Variants in PLPP6 observed in about 807,000 individuals in gnomAD.
PLPP6 encodes polyisoprenoid diphosphate/phosphate phosphohydrolase PLPP6.
Under a neutral mutation model 16.5 loss-of-function variants are expected in PLPP6, and 16 were observed. That is an observed-to-expected ratio of 0.97 (90% CI 0.66 to 1.47). PLPP6 has a LOEUF of 1.47. Ranked by LOEUF, PLPP6 falls within the 40% of genes most tolerant of loss-of-function variation. The probability of loss-of-function intolerance (pLI) is 0.00; values close to 1 mark genes in which losing one functional copy is unlikely to be tolerated. For synonymous variants in PLPP6, 226 were observed against 188.1 expected (o/e 1.20, Z -1.65); for missense variants, 512 against 396.6 (o/e 1.29, Z -2.47).
In PLPP6 at chr9:4,663,359, G is replaced by A; in HGVS notation, c.*96G>A. 7.8e-7 allele frequency: 1 copy of A among 1,289,188 alleles called. No individual in the cohort carries two copies. Among genetic ancestry groups the A allele is most frequent in the Non-Finnish European group, 1.1e-6 (1 of 918,724 alleles). The allele number at this position is 1,289,188 out of a possible 1,614,324, so 79.9% of individuals were successfully genotyped here. A position where few individuals can be genotyped will look rare whatever the true frequency, so the allele number is the denominator to read the frequency against. Reference sequence around the variant, plus strand: ...CAGCCATCCCGCTTGTCCCTCTTAGGCATTTCAGGCTTCCTTTGGGATTTC... The same window carrying A: ...CAGCCATCCCGCTTGTCCCTCTTAGACATTTCAGGCTTCCTTTGGGATTTC... On this transcript the variant is annotated 3_prime_UTR_variant, in exon 1 of 1. Coordinates refer to ENST00000381883, the MANE Select transcript of PLPP6 (RefSeq NM_203453.5).
In PLPP6 at chr9:4,662,712, C is replaced by G; in HGVS notation, c.337C>G (p.Leu113Val). 1 of 1,602,122 alleles carries G rather than the reference C, an allele frequency of 6.2e-7. No homozygotes were observed. Among genetic ancestry groups the G allele is most frequent in the Non-Finnish European group, 8.5e-7 (1 of 1,179,914 alleles). ...LRSLLAIDLWLSKKLGVCAGE... is the reference protein window; with the variant it reads ...LRSLLAIDLWVSKKLGVCAGE... The stretch of plus-strand genomic sequence containing the variant: ...CTCCCTGCTGGCCATCGACCTGTGG[C>G]TGTCCAAGAAGCTGGGGGTGTGCGC... The change falls in exon 1 of 1, where the codon CTG becomes GTG. Residue 113 changes from leucine to valine, a missense_variant. Coordinates refer to ENST00000381883, the MANE Select transcript of PLPP6 (RefSeq NM_203453.5). This position sits in a 1 kb window ranked among gnomAD's most constrained non-coding sequence, Gnocchi z 4.9.
At position 4,662,314 on chromosome 9, in the gene PLPP6, T is replaced by G; in HGVS notation, c.-62T>G. The stretch of plus-strand genomic sequence containing the variant: ...ATGGTAGTGCGGAAGCGGAAGAGGC[T>G]GCAGGGCCGGGAAGCCTCTGTTTGG... On this transcript the variant is annotated 5_prime_UTR_variant, in exon 1 of 1. Coordinates refer to ENST00000381883, the MANE Select transcript of PLPP6 (RefSeq NM_203453.5). This position sits in a 1 kb window ranked among gnomAD's most constrained non-coding sequence, Gnocchi z 4.9. The G allele has an allele frequency of 1.4e-6, 2 of 1,441,790 alleles. No homozygotes were observed. The highest frequency in any genetic ancestry group is 2.9e-5 in the African/African-American group (2 of 69,852). 89.3% of individuals were successfully genotyped at this position (1,441,790 alleles called of 1,614,324 possible).
chr9:4,663,210 T>A lies in PLPP6; in HGVS notation c.835T>A (p.Trp279Arg), dbSNP rs1237886851. 1 of 1,614,046 alleles carries A rather than the reference T, an allele frequency of 6.2e-7. No individual in the cohort carries two copies. The highest frequency in any genetic ancestry group is 1.3e-5 in the African/African-American group (1 of 74,922). The change falls in exon 1 of 1, where the codon TGG (tryptophan) becomes AGG (arginine). Residue 279 changes from tryptophan (W) to arginine (R), a missense_variant. Coordinates refer to ENST00000381883, the MANE Select transcript of PLPP6 (RefSeq NM_203453.5). Reference sequence around the variant, plus strand: ...GCAGTACAGCATCGTGGACTATTGCTGGCTCTCACCCCATAATGCTCCGGT... The same window carrying A: ...GCAGTACAGCATCGTGGACTATTGCAGGCTCTCACCCCATAATGCTCCGGT... ...YMQYSIVDYC[W>R]LSPHNAPVLF...
rs751297429 is a variant in PLPP6, at chr9:4,662,375, G to A, written c.-1G>A. The A allele has an allele frequency of 6.6e-7, 1 of 1,510,596 alleles. No homozygotes were observed. The highest frequency in any genetic ancestry group is 2.2e-5 in the Admixed American group (1 of 46,100). The allele number at this position is 1,510,596 out of a possible 1,614,324, so 93.6% of individuals were successfully genotyped here. ...TCCCGGGATCCGGGCCGCCAGCTGC[G>A]ATGCCAAGTCCCCGGAGGAGCATGG... On this transcript the variant is annotated 5_prime_UTR_variant, in exon 1 of 1. Coordinates refer to ENST00000381883, the MANE Select transcript of PLPP6 (RefSeq NM_203453.5). The surrounding 1 kb of genome is among the most constrained non-coding windows in gnomAD (Gnocchi z 4.9).
Position 4,663,316 on chromosome 9 carries a change from G to T in PLPP6, c.*53G>T. 6.4e-7 allele frequency: 1 copy of T among 1,555,260 alleles called. No individual in the cohort carries two copies. On this transcript the variant is annotated 3_prime_UTR_variant, in exon 1 of 1. Transcript: ENST00000381883. ...AAGTCTGAAGGTTTCCACATTCGAT[G>T]ATGTCAACCTAAACCAGCAGCCATC...
Position 4,665,162 on chromosome 9 carries a change from T to C in PLPP6, c.*1899T>C, listed in dbSNP as rs1200915251. ...CATTTCACCTGATGTTTTTGAAGCA[T>C]CCTAAGTACAGTAGAGTAGAAAACT... On this transcript the variant is annotated 3_prime_UTR_variant, in exon 1 of 1. Coordinates refer to ENST00000381883, the MANE Select transcript of PLPP6 (RefSeq NM_203453.5). 1 of 167,098 alleles carries C rather than the reference T, an allele frequency of 6.0e-6. No individual in the cohort carries two copies. The highest frequency in any genetic ancestry group is 2.4e-5 in the African/African-American group (1 of 41,448). The allele number at this position is 167,098 out of a possible 1,614,324, so 10.4% of individuals were successfully genotyped here.
Position 4,664,929 on chromosome 9 carries a change from G to A in PLPP6, c.*1666G>A, listed in dbSNP as rs561292133. The stretch of plus-strand genomic sequence containing the variant: ...AACTGTGAAGCTCTAAGTGGTTTGG[G>A]TTTGTTGTTTAACCTTAGCGAGATC... On this transcript the variant is annotated 3_prime_UTR_variant, in exon 1 of 1. Transcript: ENST00000381883. 1.2e-5 allele frequency: 2 copies of A among 167,200 alleles called. No individual in the cohort carries two copies. Among genetic ancestry groups the A allele is most frequent in the East Asian group, 1.9e-4 (1 of 5,184 alleles). 10.4% of individuals were successfully genotyped at this position (167,200 alleles called of 1,614,324 possible).
chr9:4,662,950 C>T lies in PLPP6; in HGVS notation c.575C>T (p.Pro192Leu). The T allele has an allele frequency of 2.5e-6, 4 of 1,612,164 alleles. No individual in the cohort carries two copies. Among genetic ancestry groups the T allele is most frequent in the South Asian group, 1.1e-5 (1 of 91,008 alleles). The change falls in exon 1 of 1, where the codon CCG becomes CTG. Residue 192 changes from proline to leucine, a missense_variant. Pro to Leu is a moderately conservative substitution (Grantham distance 98). Transcript: ENST00000381883. This position sits in a 1 kb window ranked among gnomAD's most constrained non-coding sequence, Gnocchi z 4.9. ...AAAGGGCTGGTCCGCAGGCGCCGCC[C>T]GGCCCACAACCAGATGGACATGTTT... Reference protein sequence around the residue: ...LIKGLVRRRRPAHNQMDMFVT... With the variant: ...LIKGLVRRRRLAHNQMDMFVT...
chr9:4,662,538 T>A lies in PLPP6; in HGVS notation c.163T>A (p.Cys55Ser), dbSNP rs1274338752. ...SSRATAVDPTCARLRASESPV... is the reference protein window; with the variant it reads ...SSRATAVDPTSARLRASESPV... ...CCGCGCCACGGCCGTGGACCCCACC[T>A]GCGCCCGGCTCCGTGCATCGGAGAG... Residue 55 changes from cysteine to serine, a missense_variant, in exon 1 of 1, where the codon TGC becomes AGC. Cys to Ser is a moderately radical substitution (Grantham distance 112, BLOSUM62 -1). Transcript: ENST00000381883. The surrounding 1 kb of genome is among the most constrained non-coding windows in gnomAD (Gnocchi z 4.9). 1.3e-6 allele frequency: 2 copies of A among 1,568,136 alleles called. No homozygotes were observed. Among genetic ancestry groups the A allele is most frequent in the Non-Finnish European group, 1.7e-6 (2 of 1,166,628 alleles).
rs1840268115 is a variant in PLPP6, at chr9:4,663,121, C to G, written c.746C>G (p.Ser249Cys). 1 of 1,614,044 alleles carries G rather than the reference C, an allele frequency of 6.2e-7. No homozygotes were observed. The highest frequency in any genetic ancestry group is 8.5e-7 in the Non-Finnish European group (1 of 1,180,010). Residue 249 changes from serine (S) to cysteine (C), a missense_variant, in exon 1 of 1, where the codon TCC (serine) becomes TGC (cysteine). Physicochemically the swap from Ser to Cys is moderately radical, Grantham distance 112. Transcript: ENST00000381883. Reference protein sequence around the residue: ...VVLWAFVLGLSRVMLGRHNVT... With the variant: ...VVLWAFVLGLCRVMLGRHNVT... Reference sequence around the variant, plus strand: ...CTGTGGGCCTTCGTCTTGGGCCTATCCAGGGTCATGCTGGGGCGGCACAAT... The same window carrying G: ...CTGTGGGCCTTCGTCTTGGGCCTATGCAGGGTCATGCTGGGGCGGCACAAT...
In PLPP6 at chr9:4,663,598, G is replaced by T; in HGVS notation, c.*335G>T. On this transcript the variant is annotated 3_prime_UTR_variant, in exon 1 of 1. Transcript: ENST00000381883. The stretch of plus-strand genomic sequence containing the variant: ...TTGGTATCAGTAAGATTTGTGTTTT[G>T]TGATAATCCCTAAATCAACATACCA... 3.7e-6 allele frequency: 1 copy of T among 267,598 alleles called. No individual in the cohort carries two copies. Among genetic ancestry groups the T allele is most frequent in the Non-Finnish European group, 7.7e-6 (1 of 130,674 alleles). 16.6% of individuals were successfully genotyped at this position (267,598 alleles called of 1,614,324 possible). A position where few individuals can be genotyped will look rare whatever the true frequency, so the allele number is the denominator to read the frequency against.
At position 4,663,137 on chromosome 9, in the gene PLPP6, G is replaced by A. The variant is rs150312936; in HGVS notation, c.762G>A (p.Gly254=). ...FVLGLSRVML[G]RHNVTDVAFG... is the part of the protein sequence containing the mutation. The stretch of plus-strand genomic sequence containing the variant: ...TGGGCCTATCCAGGGTCATGCTGGG[G>A]CGGCACAATGTCACCGACGTAGCTT... The change falls in exon 1 of 1, where the codon GGG becomes GGA. Residue 254 remains glycine (G), a synonymous_variant. Coordinates refer to ENST00000381883, the MANE Select transcript of PLPP6 (RefSeq NM_203453.5). The A allele has an allele frequency of 2.1e-4, 339 of 1,614,108 alleles. No homozygotes were observed. The African/African-American group carries it at 3.9e-3, about 19-fold the overall frequency.
In PLPP6 at chr9:4,664,484, T is replaced by C. The variant is rs1371081315; in HGVS notation, c.*1221T>C. 1 of 167,092 alleles carries C rather than the reference T, an allele frequency of 6.0e-6. No individual in the cohort carries two copies. The highest frequency in any genetic ancestry group is 1.5e-5 in the Non-Finnish European group (1 of 68,120). 10.4% of individuals were successfully genotyped at this position (167,092 alleles called of 1,614,324 possible). A position where few individuals can be genotyped will look rare whatever the true frequency, so the allele number is the denominator to read the frequency against. The stretch of plus-strand genomic sequence containing the variant: ...CAAAATTTCTGTTTACATTGACCTT[T>C]ACATTTAAAGCTGTTCATCCATGGT... On this transcript the variant is annotated 3_prime_UTR_variant, in exon 1 of 1. Coordinates refer to ENST00000381883, the MANE Select transcript of PLPP6 (RefSeq NM_203453.5).
chr9:4,662,456 A>T lies in PLPP6; in HGVS notation c.81A>T (p.Pro27=). The change falls in exon 1 of 1, where the codon CCA becomes CCT. Residue 27 remains proline (P), a synonymous_variant. Transcript: ENST00000381883. The surrounding 1 kb of genome is among the most constrained non-coding windows in gnomAD (Gnocchi z 4.9). ...GCAGCAGCAGCAGCCCCGGCAGCCC[A>T]GCCCATGGCGGCGGTGGCGGCGGCA... ...ASSSSSSPGS[P]AHGGGGGGSR... is the part of the protein sequence containing the mutation. The T allele has an allele frequency of 6.5e-7, 1 of 1,547,302 alleles. No individual in the cohort carries two copies. Among genetic ancestry groups the T allele is most frequent in the Non-Finnish European group, 8.7e-7 (1 of 1,155,574 alleles).
chr9:4,663,326 TA>T lies in PLPP6; in HGVS notation c.*66del. The T allele has an allele frequency of 6.6e-7, 1 of 1,520,490 alleles. No individual in the cohort carries two copies. Among genetic ancestry groups the T allele is most frequent in the African/African-American group, 1.4e-5 (1 of 72,950 alleles). The allele number at this position is 1,520,490 out of a possible 1,614,324, so 94.2% of individuals were successfully genotyped here. ...GTTTCCACATTCGATGATGTCAACC[TA>T]AACCAGCAGCCATCCCGCTTGTCCC... On this transcript the variant is annotated 3_prime_UTR_variant, in exon 1 of 1. Coordinates refer to ENST00000381883, the MANE Select transcript of PLPP6 (RefSeq NM_203453.5).
Position 4,663,463 on chromosome 9 carries a change from C to A in PLPP6, c.*200C>A. The stretch of plus-strand genomic sequence containing the variant: ...CTGAACACAGCCATATTAGGGAAAG[C>A]AAAAAAACCCAAAAAATCCTCTATT... On this transcript the variant is annotated 3_prime_UTR_variant, in exon 1 of 1. Transcript: ENST00000381883. 1.5e-5 allele frequency: 8 copies of A among 548,946 alleles called. No individual in the cohort carries two copies. The highest frequency in any genetic ancestry group is 3.8e-5 in the African/African-American group (2 of 52,862). The allele number at this position is 548,946 out of a possible 1,614,324, so 34.0% of individuals were successfully genotyped here.
Position 4,662,300 on chromosome 9 carries a change from G to A in PLPP6, c.-76G>A, listed in dbSNP as rs1023499790. On this transcript the variant is annotated 5_prime_UTR_variant, in exon 1 of 1. Coordinates refer to ENST00000381883, the MANE Select transcript of PLPP6 (RefSeq NM_203453.5). The surrounding 1 kb of genome is among the most constrained non-coding windows in gnomAD (Gnocchi z 4.9). The stretch of plus-strand genomic sequence containing the variant: ...CCCGCCCCTCCGGGATGGTAGTGCG[G>A]AAGCGGAAGAGGCTGCAGGGCCGGG... The A allele has an allele frequency of 7.7e-6, 11 of 1,435,024 alleles. No homozygotes were observed. In the African/African-American group the frequency reaches 1.3e-4, roughly 17 times the overall value. The allele number at this position is 1,435,024 out of a possible 1,614,324, so 88.9% of individuals were successfully genotyped here. A position where few individuals can be genotyped will look rare whatever the true frequency, so the allele number is the denominator to read the frequency against.
At position 4,662,414 on chromosome 9, in the gene PLPP6, G is replaced by A; in HGVS notation, c.39G>A (p.Leu13=). 1 of 1,537,254 alleles carries A rather than the reference G, an allele frequency of 6.5e-7. No homozygotes were observed. The highest frequency in any genetic ancestry group is 1.2e-5 in the South Asian group (1 of 84,004). Residue 13 remains leucine (L), a synonymous_variant, in exon 1 of 1, where the codon CTG becomes CTA. Transcript: ENST00000381883. This position sits in a 1 kb window ranked among gnomAD's most constrained non-coding sequence, Gnocchi z 4.9. ...SPRRSMEGRP[L]GVSASSSSSS... is the part of the protein sequence containing the mutation. ...GGAGGAGCATGGAGGGACGGCCGCT[G>A]GGCGTCTCCGCTTCGAGCAGCAGCA...
rs371096039 is a variant in PLPP6 at position 4,663,593 on chromosome 9, G to A, written c.*330G>A. 1.8e-5 allele frequency: 5 copies of A among 275,926 alleles called. No individual in the cohort carries two copies. The South Asian group carries it at 3.9e-4, about 21-fold the overall frequency. 17.1% of individuals were successfully genotyped at this position (275,926 alleles called of 1,614,324 possible). ...AAAAGTTGGTATCAGTAAGATTTGT[G>A]TTTTGTGATAATCCCTAAATCAACA... On this transcript the variant is annotated 3_prime_UTR_variant, in exon 1 of 1. Coordinates refer to ENST00000381883, the MANE Select transcript of PLPP6 (RefSeq NM_203453.5).
Sources: allele counts gnomAD v4.1 joint callset, GRCh38; gene constraint gnomAD v4.1.1; non-coding constraint Gnocchi (gnomAD v3.1); transcripts MANE v1.5; gene names NCBI Gene and HGNC (gene_info 2026-07-23, HGNC 2026-07-21).